Variants in AGBL4 observed in about 807,000 individuals in gnomAD.
AGBL4 encodes cytosolic carboxypeptidase 6.
AGBL4 carries 58 observed loss-of-function variants against 66.4 expected under a neutral mutation model. That is an observed-to-expected ratio of 0.87 (90% CI 0.71 to 1.09). The LOEUF is 1.09. Among genes scored for constraint, AGBL4 ranks in the 50% least tolerant of loss-of-function variants. The pLI is 0.00. For synonymous variants in AGBL4, 234 were observed against 222.9 expected (o/e 1.05, Z -0.44); for missense variants, 579 against 631.0 (o/e 0.92, Z 0.88).
intron 3 of AGBL4, among the ~76,000 whole-genome samples, chr1:49,618,622 C>T (rs760026038): frequency 2.0e-5 from 3 of 152,134 alleles, no homozygotes; most frequent in Non-Finnish European, 4.4e-5. Flanking sequence ...TTTTATGAGG[C>T]CAGCATCATC....
chr1:49,049,421 A>C (rs551584639), intron 4 of AGBL4, among the ~76,000 whole-genome samples: 3 of 152,248 alleles, frequency 2.0e-5, no homozygotes, highest in South Asian at 4.1e-4. Context: ...AAAGATTTTT[A>C]TCATCTAGTT....
rs892335352 is a variant in AGBL4, at chr1:48,894,860, G to A, written c.595-27630C>T. Among the ~76,000 whole-genome samples, 7 of 152,214 alleles carry A rather than the reference G, an allele frequency of 4.6e-5. No homozygotes were observed. In the South Asian group the frequency reaches 8.3e-4, roughly 18 times the overall value. On this transcript the variant is annotated intron_variant, in intron 5 of 13. Transcript: ENST00000371839. ...TTCAAAACAAAGAGGTTTCCAGTAC[G>A]TAGGGAGACAGGATTTCCTAAAAAG...
chr1:49,831,991 T>A lies in AGBL4; in HGVS notation c.157+19405A>T, dbSNP rs189554468. On this transcript the variant is annotated intron_variant, in intron 2 of 13. Transcript: ENST00000371839. Reference sequence around the variant, plus strand: ...TCGTGGTGGATAAGCTTTTTTTTTTTAATTTTATTTTATTATTATTATACT... The same window carrying A: ...TCGTGGTGGATAAGCTTTTTTTTTTAAATTTTATTTTATTATTATTATACT... 4.9e-3 allele frequency among the ~76,000 whole-genome samples: 742 copies of A among 151,490 alleles called. 2 individuals carry two copies. The highest frequency in any genetic ancestry group is 8.2e-3 in the Non-Finnish European group (553 of 67,800).
intron 2 of AGBL4, among the ~76,000 whole-genome samples, chr1:49,834,660 A>G (rs1439966913): frequency 1.3e-5 from 2 of 152,028 alleles, no homozygotes; most frequent in Admixed American, 1.3e-4. Flanking sequence ...TTTAATTGTT[A>G]TGTTAGGTGT....
chr1:48,846,413 GAA>G (rs1049689800), intron 6 of AGBL4, among the ~76,000 whole-genome samples: 2 of 144,980 alleles, frequency 1.4e-5, no homozygotes, highest in African/African-American at 5.5e-5. Context: ...AAGAAAGAAA[GAA>G]AGAAAGAAAT....
chr1:49,470,918 C>T (rs963038451), intron 3 of AGBL4, among the ~76,000 whole-genome samples: 2 of 152,066 alleles, frequency 1.3e-5, no homozygotes, highest in Non-Finnish European at 2.9e-5. Flanking sequence ...ACTACCGGCT[C>T]ACTCTTAAAT....
At chr1:48,756,041 T>G (rs905312181) in intron 6 of AGBL4, among the ~76,000 whole-genome samples, 1 of 152,192 alleles carries the variant, frequency 6.6e-6, no homozygotes, top group Non-Finnish European at 1.5e-5. Context: ...AGCTCCTCCA[T>G]TACATGATGT....
At chr1:48,808,603 C>G (rs930617723) in intron 6 of AGBL4, among the ~76,000 whole-genome samples, 1 of 152,104 alleles carries the variant, frequency 6.6e-6, no homozygotes, top group African/African-American at 2.4e-5. Context: ...AGGCTGAGAT[C>G]ACAGTTGGAA....
intron 3 of AGBL4, among the ~76,000 whole-genome samples, chr1:49,483,020 G>A (rs573145226): frequency 6.6e-6 from 1 of 152,178 alleles, no homozygotes; most frequent in Non-Finnish European, 1.5e-5. Context: ...GTTTGGTGAA[G>A]AGTGTTTTAT....
intron 2 of AGBL4, chr1:49,845,372 T>A: frequency 7.1e-7 from 1 of 1,403,908 alleles, no homozygotes. Context: ...ATGTCCTCCT[T>A]TAGCCAACAC....
intron 3 of AGBL4, among the ~76,000 whole-genome samples, chr1:49,534,171 C>CAAAAAAAAAAAAAA (rs71059553): frequency 3.0e-5 from 2 of 67,048 alleles, no homozygotes; most frequent in Non-Finnish European, 5.2e-5. Context: ...CACCATTTTA[C>CAAAAAAAAAAAAAA]AAAAAAAAAA....
At chr1:48,542,543 G>A (rs1362311985) in intron 11 of AGBL4, among the ~76,000 whole-genome samples, 5 of 152,166 alleles carry the variant, frequency 3.3e-5, no homozygotes, top group African/African-American at 9.7e-5. Flanking sequence ...TCTAACTGGC[G>A]TGAGATGGTA....
chr1:50,021,493 GCC>G (rs981348373), intron 1 of AGBL4, among the ~76,000 whole-genome samples: 5 of 151,880 alleles, frequency 3.3e-5, no homozygotes, highest in Non-Finnish European at 7.4e-5. Flanking sequence ...CCTACCCAAG[GCC>G]CCTTCCAATG....
chr1:48,735,531 GA>G (rs1386754287), intron 6 of AGBL4, among the ~76,000 whole-genome samples: 1 of 149,536 alleles, frequency 6.7e-6, no homozygotes, highest in Non-Finnish European at 1.5e-5. Flanking sequence ...AGGAAGTAAG[GA>G]AGGAAGAAGG....
At chr1:49,483,710 C>T (rs1392189355) in intron 3 of AGBL4, among the ~76,000 whole-genome samples, 1 of 151,874 alleles carries the variant, frequency 6.6e-6, no homozygotes, top group Non-Finnish European at 1.5e-5. Flanking sequence ...GAGTAACGCT[C>T]CGCAAGCACA....
At chr1:49,232,010 C>T (rs1650348622) in intron 4 of AGBL4, among the ~76,000 whole-genome samples, 1 of 152,276 alleles carries the variant, frequency 6.6e-6, no homozygotes, top group South Asian at 2.1e-4. Flanking sequence ...GCAGTTTTGA[C>T]TTCCAATGTT....
At chr1:49,779,237 G>A (rs1644276025) in intron 2 of AGBL4, among the ~76,000 whole-genome samples, 3 of 152,280 alleles carry the variant, frequency 2.0e-5, no homozygotes, top group East Asian at 1.9e-4. Flanking sequence ...AGAAATGCTA[G>A]CTGAAAACTT....
At chr1:48,832,101 G>C (rs1646565585) in intron 6 of AGBL4, among the ~76,000 whole-genome samples, 1 of 152,158 alleles carries the variant, frequency 6.6e-6, no homozygotes, top group South Asian at 2.1e-4. Context: ...CATACACAAA[G>C]TAGAAGGGGT....
intron 3 of AGBL4, among the ~76,000 whole-genome samples, chr1:49,272,096 T>C (rs923527673): frequency 4.6e-5 from 7 of 152,208 alleles, no homozygotes; most frequent in African/African-American, 1.7e-4. Flanking sequence ...ACTCATTTCT[T>C]TGTGCACTTA....
Sources: gnomAD v4.1 joint callset for allele counts (sites outside exome capture counted in the v4.1 genomes callset) on GRCh38, gnomAD v4.1.1 for gene constraint, MANE v1.5 for transcripts, NCBI Gene and HGNC (gene_info 2026-07-23, HGNC 2026-07-21) for gene names.